The following PRKN variants were observed in gnomAD, a reference collection of about 807,000 sequenced individuals.
The protein encoded by PRKN is parkin RBR E3 ubiquitin protein ligase.
In PRKN, 56 loss-of-function variants were observed where a neutral mutation model predicts 59.5. The observed-to-expected ratio is 0.94, with a 90% CI of 0.76 to 1.18. The LOEUF (loss-of-function observed/expected upper bound fraction) is 1.18, where lower values mean the gene tolerates loss of function less well. PRKN is among the 50% of genes most tolerant of loss of function. The pLI, the probability that PRKN is intolerant of heterozygous loss-of-function variation, is 0.00. For missense variants in PRKN, 657 were observed against 596.4 expected (o/e 1.10, Z -1.06); for synonymous variants, 250 against 222.1 (o/e 1.13, Z -1.12).
At chr6:162,616,665 T>C (rs1782433743) in intron 1 of PRKN, among the ~76,000 whole-genome samples, 1 of 152,172 alleles carries the variant, frequency 6.6e-6, no homozygotes, top group Admixed American at 6.5e-5. Context: ...CTTCTATCAA[T>C]CAATTTATTT....
At chr6:161,923,513 C>A (rs559370883) in intron 6 of PRKN, among the ~76,000 whole-genome samples, 2 of 152,178 alleles carry the variant, frequency 1.3e-5, no homozygotes, top group East Asian at 3.9e-4. Flanking sequence ...CAAAATATTG[C>A]AAACTCATAA....
At chr6:161,570,146 A>AAAAAAATATATAT (rs869285771) in intron 7 of PRKN, among the ~76,000 whole-genome samples, 1 of 76,612 alleles carries the variant, frequency 1.3e-5, no homozygotes. Context: ...AAAAAAAAAA[A>AAAAAAATATATAT]ATATATATAT....
Position 161,460,298 on chromosome 6 carries a change from G to C in PRKN, c.1084-73421C>G, listed in dbSNP as rs1324323055. Among the ~76,000 whole-genome samples the C allele has an allele frequency of 6.6e-6, 1 of 152,164 alleles. No homozygotes were observed. The highest frequency in any genetic ancestry group is 1.5e-5 in the Non-Finnish European group (1 of 68,020). ...TGTGTTTACAGAGGAGAGTGCCTTT[G>C]ACCAAGATCTTGAAAAGTGGGTTAG... On this transcript the variant is annotated intron_variant, in intron 9 of 11. Coordinates refer to ENST00000366898, the MANE Select transcript of PRKN (RefSeq NM_004562.3). This position sits in a 1 kb window ranked among gnomAD's most constrained non-coding sequence, Gnocchi z 5.0.
intron 7 of PRKN, among the ~76,000 whole-genome samples, chr6:161,689,185 TAC>T (rs34193135): frequency 0.067 from 9,584 of 144,000 alleles, 342 homozygotes; most frequent in South Asian, 0.14. Context: ...AATTAAATTG[TAC>T]ACACACACAC....
chr6:161,575,349 G>A lies in PRKN; in HGVS notation c.872-5933C>T, dbSNP rs1156699322. Among the ~76,000 whole-genome samples, 1 of 152,086 alleles carries A rather than the reference G, an allele frequency of 6.6e-6. No individual in the cohort carries two copies. The highest frequency in any genetic ancestry group is 6.5e-5 in the Admixed American group (1 of 15,272). ...CTCCTCAATGAAAACGCGTCACAAA[G>A]TTGTGTAGCATTTCCACAAAGTCAC... is the stretch of plus-strand genomic sequence containing the variant. On this transcript the variant is annotated intron_variant, in intron 7 of 11. Transcript: ENST00000366898. This position sits in a 1 kb window ranked among gnomAD's most constrained non-coding sequence, Gnocchi z 4.6.
rs1003361887 is a variant in PRKN at position 161,354,326 on chromosome 6, G to T, written c.1286-4115C>A. Among the ~76,000 whole-genome samples the T allele has an allele frequency of 2.6e-5, 4 of 152,190 alleles. No homozygotes were observed. Among genetic ancestry groups the T allele is most frequent in the African/African-American group, 7.2e-5 (3 of 41,442 alleles). On this transcript the variant is annotated intron_variant, in intron 11 of 11. Coordinates refer to ENST00000366898, the MANE Select transcript of PRKN (RefSeq NM_004562.3). The surrounding 1 kb of genome is among the most constrained non-coding windows in gnomAD (Gnocchi z 6.7). ...TGGATATAGACATGAAGGGAATATG[G>T]CTTCCTTTGTAGTGAGTTCTGTCTG...
At chr6:162,034,184 TATAGAGAGAGAG>T (rs1031358819) in intron 5 of PRKN, among the ~76,000 whole-genome samples, 11 of 122,822 alleles carry the variant, frequency 9.0e-5, no homozygotes, top group African/African-American at 3.4e-4. Context: ...TATATATATA[TATAGAGAGAGAG>T]AGAGAGAGAG....
chr6:161,716,558 G>C (rs1431791455), intron 7 of PRKN, among the ~76,000 whole-genome samples: 2 of 152,136 alleles, frequency 1.3e-5, no homozygotes, highest in African/African-American at 2.4e-5. Context: ...CTGTCAACAG[G>C]CATTTACTGA....
In PRKN at chr6:161,386,937, T is replaced by G; in HGVS notation, c.1084-60A>C. ...TTAGGTTGCATTTGGCAATAACACATTTTTCCTTTTCCAAATTCATTATAT... is the reference window on the plus strand; with the variant it reads ...TTAGGTTGCATTTGGCAATAACACAGTTTTCCTTTTCCAAATTCATTATAT... On this transcript the variant is annotated intron_variant, in intron 9 of 11. Transcript: ENST00000366898. This position sits in a 1 kb window ranked among gnomAD's most constrained non-coding sequence, Gnocchi z 4.3. 7.4e-7 allele frequency: 1 copy of G among 1,357,540 alleles called. No individual in the cohort carries two copies. The highest frequency in any genetic ancestry group is 1.8e-4 in the Middle Eastern group (1 of 5,558). 84.1% of individuals were successfully genotyped at this position (1,357,540 alleles called of 1,614,324 possible).
rs1022206060 is a variant in PRKN, at chr6:161,544,141, G to C, written c.1083+4713C>G. Among the ~76,000 whole-genome samples, 5 of 152,274 alleles carry C rather than the reference G, an allele frequency of 3.3e-5. 1 individual carries two copies. The highest frequency in any genetic ancestry group is 1.2e-4 in the African/African-American group (5 of 41,556). Reference sequence around the variant, plus strand: ...GTGCTGAGTCAAAACTGAAATCTCAGTTCTCCCAAGAGTAAGACATTTTAC... The same window carrying C: ...GTGCTGAGTCAAAACTGAAATCTCACTTCTCCCAAGAGTAAGACATTTTAC... On this transcript the variant is annotated intron_variant, in intron 9 of 11. Transcript: ENST00000366898. This position sits in a 1 kb window ranked among gnomAD's most constrained non-coding sequence, Gnocchi z 5.5.
At chr6:161,835,013 A>T (rs780975509) in intron 6 of PRKN, among the ~76,000 whole-genome samples, 1 of 151,836 alleles carries the variant, frequency 6.6e-6, no homozygotes, top group Non-Finnish European at 1.5e-5. Flanking sequence ...CTCACTAGGC[A>T]TCATTTCTGC....
chr6:161,515,355 G>C (rs888622568), intron 9 of PRKN, among the ~76,000 whole-genome samples: 1 of 152,094 alleles, frequency 6.6e-6, no homozygotes, highest in Non-Finnish European at 1.5e-5. Context: ...TGGATTTCTT[G>C]TGAGTTTTTA....
chr6:161,801,689 C>T (rs901793513), intron 6 of PRKN, among the ~76,000 whole-genome samples: 6 of 152,126 alleles, frequency 3.9e-5, no homozygotes, highest in Non-Finnish European at 8.8e-5. Context: ...TTTTAACCTT[C>T]CATCTCACAC....
At chr6:162,439,629 T>C (rs1239206115) in intron 2 of PRKN, among the ~76,000 whole-genome samples, 1 of 152,106 alleles carries the variant, frequency 6.6e-6, no homozygotes, top group African/African-American at 2.4e-5. Flanking sequence ...TCCATTTATA[T>C]GCAGATTTTC....
intron 4 of PRKN, among the ~76,000 whole-genome samples, chr6:162,081,522 G>A (rs1240259496): frequency 6.6e-6 from 1 of 152,070 alleles, no homozygotes; most frequent in African/African-American, 2.4e-5. Context: ...TTTTTCCCGA[G>A]CAGTGGGTCT....
At chr6:162,623,136 T>C (rs1782745522) in intron 1 of PRKN, among the ~76,000 whole-genome samples, 1 of 152,222 alleles carries the variant, frequency 6.6e-6, no homozygotes, top group Non-Finnish European at 1.5e-5. Context: ...TTGGATCTTG[T>C]TCGTTAGCTT....
intron 3 of PRKN, among the ~76,000 whole-genome samples, chr6:162,256,681 T>C (rs1419510909): frequency 4.6e-5 from 7 of 152,176 alleles, no homozygotes; most frequent in African/African-American, 1.4e-4. Context: ...AAGATGTAAA[T>C]GATTTGCTTC....
At chr6:161,871,946 T>A (rs758487877) in intron 6 of PRKN, among the ~76,000 whole-genome samples, 19 of 152,184 alleles carry the variant, frequency 1.2e-4, no homozygotes, top group Non-Finnish European at 2.5e-4. Flanking sequence ...GGCACTTTAA[T>A]AATCCTCTCA....
intron 9 of PRKN, among the ~76,000 whole-genome samples, chr6:161,452,039 T>A (rs1283534254): frequency 6.6e-6 from 1 of 151,852 alleles, no homozygotes; most frequent in Non-Finnish European, 1.5e-5. Context: ...CACTGCACCC[T>A]CCCCCTCCCG....
Sources: gnomAD v4.1 joint callset for allele counts (sites outside exome capture counted in the v4.1 genomes callset) on GRCh38, gnomAD v4.1.1 for gene constraint, Gnocchi (gnomAD v3.1) non-coding constraint, MANE v1.5 for transcripts, NCBI Gene and HGNC (gene_info 2026-07-23, HGNC 2026-07-21) for gene names.